AGL: variants seen among roughly 807,000 people sequenced by gnomAD.
AGL encodes glycogen debranching enzyme.
A neutral mutation model predicts 199.3 loss-of-function variants in AGL; 128 were observed. That is an observed-to-expected ratio of 0.64 (90% CI 0.56 to 0.74). AGL has a LOEUF of 0.74. Ranked by LOEUF, AGL falls within the 30% of genes least tolerant of loss-of-function variation. AGL has a pLI of 0.00. For missense variants in AGL, 1,809 were observed against 1,820.8 expected, an observed-to-expected ratio of 0.99 and a Z score of 0.12; for synonymous variants, 584 against 594.7, an observed-to-expected ratio of 0.98 and a Z score of 0.26.
At chr1:99,896,196 T>C (rs893046952) in intron 24 of AGL, 90 bp from the exon 25 acceptor site, 2 of 1,173,088 alleles carry the variant, frequency 1.7e-6, no homozygotes, top group African/African-American at 3.0e-5. Context: ...GTACCCCAGG[T>C]TTAGAGTAAC....
At chr1:99,901,279 C>G (rs1653815463) in intron 26 of AGL, among the ~76,000 whole-genome samples, 1 of 149,412 alleles carries the variant, frequency 6.7e-6, no homozygotes, top group Non-Finnish European at 1.5e-5. Context: ...AGGTGTATGG[C>G]ACACACCTGT....
chr1:99,891,197 A>G lies in AGL; in HGVS notation c.2813-23A>G, dbSNP rs76758694. 7.6e-4 allele frequency: 1,230 copies of G among 1,613,254 alleles called. 3 individuals carry two copies. In the African/African-American group the frequency reaches 0.015, roughly 19 times the overall value. The stretch of plus-strand genomic sequence containing the variant: ...AAATTGATGCTACCAATAATACAGC[A>G]TGACATGTCTCTGAATTTTCAGGTT... On this transcript the variant is annotated intron_variant, in intron 21 of 33. Coordinates refer to ENST00000361915, the MANE Select transcript of AGL (RefSeq NM_000642.3).
rs746425854 is a variant in AGL, at chr1:99,875,228, A to G, written c.1157A>G (p.His386Arg). 1.2e-6 allele frequency: 2 copies of G among 1,614,150 alleles called. No individual in the cohort carries two copies. The highest frequency in any genetic ancestry group is 2.2e-5 in the South Asian group (2 of 91,088). Residue 386 changes from histidine to arginine, a missense_variant, in exon 9 of 34, where the codon CAT (histidine) becomes CGT (arginine). By Grantham distance (29) the His-to-Arg change is conservative (BLOSUM62 0). Coordinates refer to ENST00000361915, the MANE Select transcript of AGL (RefSeq NM_000642.3). ...KRMEELNSEKHRLINYHQEQA... is the reference protein window; with the variant it reads ...KRMEELNSEKRRLINYHQEQA... ...ATGGAGGAATTAAATTCAGAGAAGC[A>G]TCGACTCATTAACTATCATCAGGAA...
rs140441262 is a variant in AGL at position 99,893,507 on chromosome 1, A to T, written c.3259+900A>T. Among the ~76,000 whole-genome samples, 5 of 152,326 alleles carry T rather than the reference A, an allele frequency of 3.3e-5. No homozygotes were observed. The East Asian group carries it at 9.6e-4, about 29-fold the overall frequency. On this transcript the variant is annotated intron_variant, in intron 24 of 33. Transcript: ENST00000361915. ...GATGCTCATGAAACTGACCTTAGCCATAGGGGCAAAGGAAACATTGATGTA... is the reference window on the plus strand; with the variant it reads ...GATGCTCATGAAACTGACCTTAGCCTTAGGGGCAAAGGAAACATTGATGTA...
At chr1:99,860,643 G>A (rs975721262) in intron 2 of AGL, among the ~76,000 whole-genome samples, 4 of 152,286 alleles carry the variant, frequency 2.6e-5, no homozygotes, top group Admixed American at 2.0e-4. Flanking sequence ...TTGGGCAAAA[G>A]TAGAAATGCA....
rs148606237 is a variant in AGL at position 99,910,803 on chromosome 1, A to T, written c.3792A>T (p.Gly1264=). ...GTGGCACATGGATGGATAAAATGGGAGAAAGTGACAGAGCTAGAAACAGAG... is the reference window on the plus strand; with the variant it reads ...GTGGCACATGGATGGATAAAATGGGTGAAAGTGACAGAGCTAGAAACAGAG... ...FNCGTWMDKM[G]ESDRARNRGI... The change falls in exon 28 of 34, where the codon GGA becomes GGT. Residue 1264 remains glycine (G), a synonymous_variant. Transcript: ENST00000361915. 2.5e-4 allele frequency: 411 copies of T among 1,613,356 alleles called. 2 individuals are homozygous for T. The African/African-American group carries it at 4.9e-3, about 19-fold the overall frequency.
At chr1:99,882,244 G>A (rs1172248841) in intron 17 of AGL, among the ~76,000 whole-genome samples, 1 of 151,692 alleles carries the variant, frequency 6.6e-6, no homozygotes, top group Non-Finnish European at 1.5e-5. Context: ...TTTGAGTTGT[G>A]AAATATTTTT....
intron 10 of AGL, 111 bp downstream of exon 10, chr1:99,875,566 T>A: frequency 1.1e-6 from 1 of 923,756 alleles, no homozygotes; most frequent in Non-Finnish European, 1.7e-6. Flanking sequence ...GTACATTTCT[T>A]AAATTGAAAT....
In AGL at chr1:99,876,561, A is replaced by G. The variant is rs1557759698; in HGVS notation, c.1387A>G (p.Met463Val). 6.8e-6 allele frequency: 11 copies of G among 1,613,946 alleles called. No homozygotes were observed. Among genetic ancestry groups the G allele is most frequent in the Non-Finnish European group, 9.3e-6 (11 of 1,179,980 alleles). Reference sequence around the variant, plus strand: ...TCTGATGGCACACAATGGATGGGTAATGGGAGATGATCCTCTTCGAAACTT... The same window carrying G: ...TCTGATGGCACACAATGGATGGGTAGTGGGAGATGATCCTCTTCGAAACTT... ...CFLMAHNGWV[M>V]GDDPLRNFAE... is the part of the protein sequence containing the mutation. The change falls in exon 11 of 34, where the codon ATG becomes GTG. Residue 463 changes from methionine (M) to valine (V), a missense_variant. By Grantham distance (21) the Met-to-Val change is conservative. Coordinates refer to ENST00000361915, the MANE Select transcript of AGL (RefSeq NM_000642.3).
intron 5 of AGL, among the ~76,000 whole-genome samples, chr1:99,865,467 C>T (rs1650430225): frequency 6.6e-6 from 1 of 152,144 alleles, no homozygotes; most frequent in Non-Finnish European, 1.5e-5. Flanking sequence ...CCTAAGATTC[C>T]TTAGTGGTAT....
chr1:99,875,385 T>G lies in AGL; in HGVS notation c.1213T>G (p.Phe405Val). ...QAVNCLLGNV[F>V]YERLAGHGPK... The stretch of plus-strand genomic sequence containing the variant: ...AGTTAATTGCCTTTTGGGAAATGTG[T>G]TTTATGAACGACTGGCTGGCCATGG... Residue 405 changes from phenylalanine (F) to valine (V), a missense_variant, in exon 10 of 34, where the codon TTT becomes GTT. Coordinates refer to ENST00000361915, the MANE Select transcript of AGL (RefSeq NM_000642.3). The G allele has an allele frequency of 6.2e-7, 1 of 1,614,166 alleles. No individual in the cohort carries two copies. The highest frequency in any genetic ancestry group is 8.5e-7 in the Non-Finnish European group (1 of 1,180,022).
chr1:99,918,106 A>G (rs1442225845), intron 33 of AGL, among the ~76,000 whole-genome samples: 6 of 152,184 alleles, frequency 3.9e-5, no homozygotes, highest in Non-Finnish European at 7.3e-5. Context: ...TTCAATTCTT[A>G]TAAGTGTAAA....
In AGL at chr1:99,915,482, C is replaced by T. The variant is rs532926173; in HGVS notation, c.4255C>T (p.Pro1419Ser). 4 of 1,600,910 alleles carry T rather than the reference C, an allele frequency of 2.5e-6. No individual in the cohort carries two copies. In the African/African-American group the frequency reaches 5.4e-5, roughly 21 times the overall value. Residue 1419 changes from proline (P) to serine (S), a missense_variant, in exon 31 of 34, where the codon CCA becomes TCA. By Grantham distance (74) the Pro-to-Ser change is moderately conservative (BLOSUM62 -1). Transcript: ENST00000361915. ...LGPLGMKTLD[P>S]DDMVYCGIYD... is the part of the protein sequence containing the mutation. ...TCCCCTTGGCATGAAAACTTTAGATCCAGAGTAAGTTGGAATATAAGTATT... is the reference window on the plus strand; with the variant it reads ...TCCCCTTGGCATGAAAACTTTAGATTCAGAGTAAGTTGGAATATAAGTATT...
At chr1:99,860,918 C>T (rs1235083853) in intron 2 of AGL, among the ~76,000 whole-genome samples, 6 of 152,192 alleles carry the variant, frequency 3.9e-5, no homozygotes, top group Non-Finnish European at 8.8e-5. Context: ...CATCACTGGA[C>T]TTGAGCAGAT....
intron 23 of AGL, 144 bp downstream of exon 23, chr1:99,891,883 G>T: frequency 2.2e-6 from 2 of 910,686 alleles, no homozygotes; most frequent in African/African-American, 1.6e-5. Flanking sequence ...AAATTTATTA[G>T]CATCCTTTAG....
intron 25 of AGL, among the ~76,000 whole-genome samples, chr1:99,898,645 T>C (rs602700): frequency 0.64 from 97,670 of 151,910 alleles, 31,589 homozygotes; most frequent in Admixed American, 0.69. Flanking sequence ...CAGCCTTCTA[T>C]ATACTGATTC....
intron 13 of AGL, 40 bp downstream of exon 13, chr1:99,880,086 TTTTG>T: frequency 6.2e-7 from 1 of 1,611,990 alleles, no homozygotes. Context: ...AAACTTTAGC[TTTTG>T]TTTAAGTAGA....
chr1:99,903,662 T>G (rs990655878), intron 27 of AGL, among the ~76,000 whole-genome samples: 19 of 152,300 alleles, frequency 1.2e-4, no homozygotes, highest in South Asian at 2.1e-4. Context: ...GTAATGGGAT[T>G]GCTGGGTCAA....
chr1:99,916,787 T>A, intron 33 of AGL, 56 bp downstream of exon 33: 1 of 1,569,108 alleles, frequency 6.4e-7, no homozygotes. Flanking sequence ...GTTTATTAGC[T>A]ATTAGGTAAA....
Sources: allele counts gnomAD v4.1 joint callset (sites outside exome capture counted in the v4.1 genomes callset), GRCh38; gene constraint gnomAD v4.1.1; transcripts MANE v1.5; gene names NCBI Gene and HGNC (gene_info 2026-07-23, HGNC 2026-07-21).